The following PPP1R1C variants were observed in gnomAD, a reference collection of about 807,000 sequenced individuals.
PPP1R1C encodes protein phosphatase 1 regulatory subunit 1C.
In PPP1R1C, 15 loss-of-function variants were observed where a neutral mutation model predicts 17.4. The ratio of observed to expected loss-of-function variants is 0.86; its 90% CI spans 0.58 to 1.33. The LOEUF (loss-of-function observed/expected upper bound fraction) is 1.33. PPP1R1C is among the 40% of genes most tolerant of loss of function. The probability of loss-of-function intolerance (pLI) is 0.00; values close to 1 mark genes in which losing one functional copy is unlikely to be tolerated. For missense variants in PPP1R1C, 143 were observed against 130.0 expected, an observed-to-expected ratio of 1.10 and a Z score of -0.48; for synonymous variants, 35 against 43.1, an observed-to-expected ratio of 0.81 and a Z score of 0.73.
intron 2 of PPP1R1C, among the ~76,000 whole-genome samples, chr2:181,991,536 A>G (rs1166850553): frequency 3.9e-5 from 6 of 152,180 alleles, no homozygotes; most frequent in African/African-American, 9.7e-5. Context: ...GTGTGTCTTT[A>G]GGGTAGAAAA....
intron 2 of PPP1R1C, among the ~76,000 whole-genome samples, chr2:182,029,342 G>T (rs989361604): frequency 2.2e-4 from 34 of 152,086 alleles, no homozygotes; most frequent in African/African-American, 8.0e-4. Flanking sequence ...ATTTTGTAGC[G>T]GCTGGTACCG....
intron 2 of PPP1R1C, among the ~76,000 whole-genome samples, chr2:182,042,226 CT>C (rs1408483001): frequency 6.6e-6 from 1 of 152,146 alleles, no homozygotes; most frequent in African/African-American, 2.4e-5. Context: ...AGAATAAATA[CT>C]TCTTGATCTT....
chr2:181,978,659 C>T lies in PPP1R1C; in HGVS notation n.157+3395C>T, dbSNP rs564095362. ...GGACTGGAGGGGTGTTACACAGGAA[C>T]TGAGTGGAATGAGCATGGCCTTTTA... is the stretch of plus-strand genomic sequence containing the variant. On this transcript the variant is annotated intron_variant and non_coding_transcript_variant, in intron 2 of 5. Coordinates refer to the PPP1R1C transcript ENST00000464264. 2.5e-4 allele frequency among the ~76,000 whole-genome samples: 38 copies of T among 152,188 alleles called. No individual in the cohort carries two copies. In the South Asian group the frequency reaches 6.4e-3, roughly 26 times the overall value.
chr2:182,044,995 A>G (rs1454760884), intron 2 of PPP1R1C, among the ~76,000 whole-genome samples: 6 of 152,208 alleles, frequency 3.9e-5, no homozygotes, highest in Admixed American at 2.6e-4. Context: ...AGATATATGT[A>G]TATTCTGTTT....
At chr2:181,998,934 T>C (rs559751838) in intron 2 of PPP1R1C, among the ~76,000 whole-genome samples, 1 of 152,322 alleles carries the variant, frequency 6.6e-6, no homozygotes, top group South Asian at 2.1e-4. Context: ...GCATGAATGA[T>C]TGGACTAAAA....
intron 2 of PPP1R1C, among the ~76,000 whole-genome samples, chr2:182,010,190 T>G (rs1041630813): frequency 2.6e-5 from 4 of 152,088 alleles, no homozygotes; most frequent in African/African-American, 9.6e-5. Context: ...GGGATTACAT[T>G]GAATTTCTAG....
chr2:181,969,697 C>T (rs1171650463), intron 1 of PPP1R1C, among the ~76,000 whole-genome samples: 2 of 152,116 alleles, frequency 1.3e-5, no homozygotes, highest in Non-Finnish European at 2.9e-5. Context: ...AAACTTTCTA[C>T]CCCTGTCTCT....
At chr2:181,971,640 C>T (rs1173982384) in intron 1 of PPP1R1C, among the ~76,000 whole-genome samples, 1 of 152,084 alleles carries the variant, frequency 6.6e-6, no homozygotes, top group East Asian at 1.9e-4. Flanking sequence ...CAGACCTTGC[C>T]AAGGAATTGC....
intron 1 of PPP1R1C, among the ~76,000 whole-genome samples, chr2:181,971,873 A>T (rs551392370): frequency 6.6e-6 from 1 of 152,272 alleles, no homozygotes; most frequent in African/African-American, 2.4e-5. Flanking sequence ...GCAGTCCCAC[A>T]ATCCCTTTGC....
chr2:182,130,764 A>G (rs1689989500), downstream of PPP1R1C: 1 of 152,120 alleles, frequency 6.6e-6, no homozygotes, highest in African/African-American at 2.4e-5. Flanking sequence ...TCTGTTTTGA[A>G]TTTGTCACTT....
At chr2:182,038,693 G>A (rs72893112) in intron 2 of PPP1R1C, among the ~76,000 whole-genome samples, 1 of 152,154 alleles carries the variant, frequency 6.6e-6, no homozygotes, top group Non-Finnish European at 1.5e-5. Context: ...CAAATCCATG[G>A]ATTTAAAAAA....
chr2:182,076,698 C>G (rs891072325), intron 4 of PPP1R1C, among the ~76,000 whole-genome samples: 1 of 152,040 alleles, frequency 6.6e-6, no homozygotes, highest in African/African-American at 2.4e-5. Context: ...CAATAATTTT[C>G]TTCAAAATAC....
intron 2 of PPP1R1C, among the ~76,000 whole-genome samples, chr2:182,015,035 C>T (rs1686216454): frequency 6.6e-6 from 1 of 152,134 alleles, no homozygotes; most frequent in Admixed American, 6.5e-5. Flanking sequence ...TCTTGGTGCT[C>T]TACTCCATTG....
At chr2:181,984,385 T>C (rs1663446549), upstream of PPP1R1C, among the ~76,000 whole-genome samples, 1 of 152,266 alleles carries the variant, frequency 6.6e-6, no homozygotes, top group African/African-American at 2.4e-5. Flanking sequence ...CTTGTCTTGC[T>C]TTCCTTTTAT....
intron 4 of PPP1R1C, among the ~76,000 whole-genome samples, chr2:182,106,747 A>G (rs1450825930): frequency 6.6e-6 from 1 of 152,166 alleles, no homozygotes; most frequent in Non-Finnish European, 1.5e-5. Context: ...CAACTAAAAA[A>G]CTAAAAAACT....
intron 2 of PPP1R1C, among the ~76,000 whole-genome samples, chr2:182,053,621 G>T (rs186997096): frequency 3.3e-5 from 5 of 151,878 alleles, no homozygotes; most frequent in African/African-American, 1.2e-4. Context: ...TGGTCTGGGC[G>T]TAGAGTTATT....
intron 2 of PPP1R1C, among the ~76,000 whole-genome samples, chr2:182,029,760 G>T (rs1262237874): frequency 1.1e-5 from 1 of 90,304 alleles, no homozygotes; most frequent in Non-Finnish European, 2.1e-5. Context: ...ACGTTGGCCT[G>T]CCTTGCTAGA....
intron 1 of PPP1R1C, among the ~76,000 whole-genome samples, chr2:181,968,388 T>C (rs918560725): frequency 2.0e-5 from 3 of 152,244 alleles, no homozygotes; most frequent in African/African-American, 7.2e-5. Context: ...GGGTTGGGTT[T>C]ATACGTTTAT....
At chr2:182,031,354 G>A (rs1018526536) in intron 2 of PPP1R1C, among the ~76,000 whole-genome samples, 1 of 152,204 alleles carries the variant, frequency 6.6e-6, no homozygotes, top group East Asian at 1.9e-4. Flanking sequence ...ATAGTGGACT[G>A]TCTTGCTTGA....
Sources: allele counts gnomAD v4.1 joint callset (sites outside exome capture counted in the v4.1 genomes callset), GRCh38; gene constraint gnomAD v4.1.1; transcripts MANE v1.5; gene names NCBI Gene and HGNC (gene_info 2026-07-23, HGNC 2026-07-21).